Variants in TPTE observed in about 807,000 individuals in gnomAD.
TPTE encodes transmembrane phosphatase with tensin homology.
In TPTE, 59 loss-of-function variants were observed where a neutral mutation model predicts 84.1. The ratio of observed to expected loss-of-function variants is 0.70; its 90% CI spans 0.57 to 0.87. The LOEUF (loss-of-function observed/expected upper bound fraction) is 0.87, where lower values mean the gene tolerates loss of function less well. Among genes scored for constraint, TPTE ranks in the 40% least tolerant of loss-of-function variants. The probability of loss-of-function intolerance (pLI) is 0.00; values close to 1 mark genes in which losing one functional copy is unlikely to be tolerated. For missense variants in TPTE, 382 were observed against 659.6 expected (o/e 0.58, Z 4.61); for synonymous variants, 130 against 223.5 (o/e 0.58, Z 3.73).
At chr21:10,603,477 AAAG>A (rs1978841553) in intron 22 of TPTE, 82 bp from the exon 23 acceptor site, 2 of 1,332,414 alleles carry the variant, frequency 1.5e-6, no homozygotes, top group Non-Finnish European at 2.1e-6. Flanking sequence ...TAAATATAAA[AAAG>A]AATAAAGAAA....
chr21:10,592,757 A>C (rs1485671302), intron 19 of TPTE, among the ~76,000 whole-genome samples: 1 of 152,302 alleles, frequency 6.6e-6, no homozygotes, highest in Non-Finnish European at 1.5e-5. Context: ...TTACTAGGAC[A>C]ATTCAACCCT....
chr21:10,547,205 T>C (rs1308789789), intron 7 of TPTE, among the ~76,000 whole-genome samples: 1 of 152,308 alleles, frequency 6.6e-6, no homozygotes, highest in East Asian at 1.9e-4. Flanking sequence ...TAGAGATGTC[T>C]GGTGCTCATC....
intron 19 of TPTE, among the ~76,000 whole-genome samples, chr21:10,594,065 C>CAT: frequency 6.6e-6 from 1 of 152,308 alleles, no homozygotes; most frequent in Non-Finnish European, 1.5e-5. Flanking sequence ...GCTTAAAATC[C>CAT]ATACTATGTC....
intron 19 of TPTE, among the ~76,000 whole-genome samples, chr21:10,595,657 C>G (rs2075568002): frequency 6.6e-6 from 1 of 152,312 alleles, no homozygotes; most frequent in Non-Finnish European, 1.5e-5. Context: ...AACTCAGTCA[C>G]AACTAAGCTT....
chr21:10,550,954 T>C (rs1416498803), intron 7 of TPTE, among the ~76,000 whole-genome samples: 2 of 152,310 alleles, frequency 1.3e-5, no homozygotes. Flanking sequence ...AGAGGAACAT[T>C]CAAAACTATA....
At chr21:10,562,718 A>G (rs1600906552) in intron 10 of TPTE, among the ~76,000 whole-genome samples, 1 of 152,310 alleles carries the variant, frequency 6.6e-6, no homozygotes, top group African/African-American at 2.4e-5. Context: ...AAATACATAG[A>G]GGAGACAAAG....
chr21:10,532,919 G>C (rs1208903414), intron 3 of TPTE, among the ~76,000 whole-genome samples: 1 of 152,296 alleles, frequency 6.6e-6, no homozygotes, highest in East Asian at 1.9e-4. Flanking sequence ...TGCCCTCATA[G>C]GTCTTTTGCT....
intron 3 of TPTE, among the ~76,000 whole-genome samples, chr21:10,530,508 C>G (rs2074158910): frequency 6.6e-6 from 1 of 152,308 alleles, no homozygotes; most frequent in Non-Finnish European, 1.5e-5. Context: ...TCTTCTTGTG[C>G]ATACCTTTCG....
chr21:10,554,428 G>A (rs1240937569), intron 8 of TPTE, among the ~76,000 whole-genome samples: 2 of 152,306 alleles, frequency 1.3e-5, no homozygotes, highest in African/African-American at 4.8e-5. Context: ...GATGCAAAGT[G>A]TACATTTCTC....
chr21:10,546,758 T>A (rs1262530457), intron 7 of TPTE, among the ~76,000 whole-genome samples: 1 of 152,308 alleles, frequency 6.6e-6, no homozygotes, highest in East Asian at 1.9e-4. Context: ...GCCCTCACTC[T>A]CTTTGATTCA....
chr21:10,593,777 C>T (rs1429768056), intron 19 of TPTE, among the ~76,000 whole-genome samples: 5 of 152,380 alleles, frequency 3.3e-5, no homozygotes, highest in African/African-American at 1.2e-4. Context: ...GCCCCTGAAA[C>T]CGAAGTGAGA....
At chr21:10,528,523 TG>T (rs2074120986) in intron 3 of TPTE, among the ~76,000 whole-genome samples, 1 of 152,308 alleles carries the variant, frequency 6.6e-6, no homozygotes, top group Non-Finnish European at 1.5e-5. Flanking sequence ...CACCGCTCCA[TG>T]TGGCAAATCT....
intron 17 of TPTE, among the ~76,000 whole-genome samples, chr21:10,587,809 C>T (rs2075393856): frequency 6.6e-6 from 1 of 152,312 alleles, no homozygotes; most frequent in Non-Finnish European, 1.5e-5. Flanking sequence ...CTCAGCCTCC[C>T]AAAGTGCTGG....
At chr21:10,577,810 CT>C (rs1426599602) in intron 15 of TPTE, among the ~76,000 whole-genome samples, 1 of 152,298 alleles carries the variant, frequency 6.6e-6, no homozygotes, top group African/African-American at 2.4e-5. Context: ...GAAAATCTTT[CT>C]GTTTTTCTTG....
At chr21:10,529,054 C>T (rs2074131626) in intron 3 of TPTE, among the ~76,000 whole-genome samples, 1 of 152,418 alleles carries the variant, frequency 6.6e-6, no homozygotes, top group East Asian at 1.9e-4. Flanking sequence ...CATGGTGGTG[C>T]ATGCCTGCAG....
intron 3 of TPTE, among the ~76,000 whole-genome samples, chr21:10,534,734 G>A (rs1317515798): frequency 2.0e-5 from 3 of 152,302 alleles, no homozygotes; most frequent in African/African-American, 2.4e-5. Context: ...CTTGGACACT[G>A]TTTCTGAAGT....
intron 5 of TPTE, among the ~76,000 whole-genome samples, chr21:10,541,827 G>T (rs1228057106): frequency 2.6e-5 from 4 of 152,312 alleles, no homozygotes; most frequent in African/African-American, 9.6e-5. Context: ...AGTACTTGGG[G>T]AACTGTGAAG....
chr21:10,602,230 C>T, intron 22 of TPTE, 80 bp downstream of exon 22: 2 of 1,525,300 alleles, frequency 1.3e-6, no homozygotes, highest in East Asian at 4.5e-5. Flanking sequence ...TACTACAATT[C>T]CCAACAAGGG....
In TPTE at chr21:10,558,807, C is replaced by CA. The variant is rs1035957732; in HGVS notation, c.234-679dup. Among the ~76,000 whole-genome samples, 43 of 152,074 alleles carry CA rather than the reference C, an allele frequency of 2.8e-4. No individual in the cohort carries two copies. In the East Asian group the frequency reaches 6.4e-3, roughly 23 times the overall value. ...TCCAACACAGGAGGCTTCAGTAGGA[C>CA]AAAAAAAATTGTTCCTCATGAGCTA... is the stretch of plus-strand genomic sequence containing the variant. On this transcript the variant is annotated intron_variant, in intron 8 of 23. Coordinates refer to ENST00000618007, the MANE Select transcript of TPTE (RefSeq NM_199261.4).
Sources: allele counts gnomAD v4.1 joint callset (sites outside exome capture counted in the v4.1 genomes callset), GRCh38; gene constraint gnomAD v4.1.1; transcripts MANE v1.5; gene names NCBI Gene and HGNC (gene_info 2026-07-23, HGNC 2026-07-21).